MAPRE2: variants seen among roughly 807,000 people sequenced by gnomAD.
The protein encoded by MAPRE2 is microtubule associated protein RP/EB family member 2.
In MAPRE2, 13 loss-of-function variants were observed where a neutral mutation model predicts 43.2. That is an observed-to-expected ratio of 0.30 (90% CI 0.20 to 0.48). MAPRE2 has a LOEUF of 0.48. Ranked by LOEUF, MAPRE2 falls within the 20% of genes least tolerant of loss-of-function variation. The pLI is 0.99. For missense variants in MAPRE2, 161 were observed against 400.2 expected (o/e 0.40, Z 5.10); for synonymous variants, 135 against 148.8 (o/e 0.91, Z 0.68).
intron 2 of MAPRE2, among the ~76,000 whole-genome samples, chr18:35,010,180 G>T (rs1351717723): frequency 6.6e-6 from 1 of 151,940 alleles, no homozygotes; most frequent in East Asian, 1.9e-4. Flanking sequence ...TGAGGCCAGG[G>T]GTTCAAGACC....
chr18:35,043,966 A>G (rs1249811402), intron 1 of MAPRE2, among the ~76,000 whole-genome samples: 1 of 152,226 alleles, frequency 6.6e-6, no homozygotes, highest in Admixed American at 6.5e-5. Flanking sequence ...CTGGAATATT[A>G]TAGCCATTTA....
At chr18:35,031,084 T>C (rs929535536) in intron 2 of MAPRE2, among the ~76,000 whole-genome samples, 1 of 152,246 alleles carries the variant, frequency 6.6e-6, no homozygotes, top group Admixed American at 6.5e-5. Flanking sequence ...CCTTCCTTGC[T>C]TTAGTTGTCT....
chr18:35,092,846 A>C (rs1908217971), intron 2 of MAPRE2, among the ~76,000 whole-genome samples: 1 of 152,208 alleles, frequency 6.6e-6, no homozygotes, highest in Admixed American at 6.5e-5. Context: ...AAAATGTTCA[A>C]CGTCACTAAT....
intron 2 of MAPRE2, among the ~76,000 whole-genome samples, chr18:35,077,083 T>TAC (rs1907393769): frequency 6.6e-6 from 1 of 152,198 alleles, no homozygotes; most frequent in African/African-American, 2.4e-5. Context: ...ACAATATATA[T>TAC]ACTGAACAAA....
chr18:35,022,655 T>A (rs1180033035), intron 2 of MAPRE2, among the ~76,000 whole-genome samples: 2 of 152,174 alleles, frequency 1.3e-5, no homozygotes, highest in Non-Finnish European at 2.9e-5. Flanking sequence ...AGAAATTACA[T>A]AATCATAAAT....
intron 1 of MAPRE2, among the ~76,000 whole-genome samples, chr18:35,064,000 TAAAAAAAAAAAAA>T (rs575347953): frequency 4.7e-4 from 16 of 33,968 alleles, no homozygotes; most frequent in Non-Finnish European, 5.6e-4. Context: ...CCTGTCTCTT[TAAAAAAAAAAAAA>T]AAAAAAAAAA....
chr18:34,982,751 A>G (rs928037948), intron 1 of MAPRE2, among the ~76,000 whole-genome samples: 2 of 152,184 alleles, frequency 1.3e-5, no homozygotes, highest in Non-Finnish European at 2.9e-5. Flanking sequence ...ATACAATTAC[A>G]TTAAGCTGTG....
intron 2 of MAPRE2, among the ~76,000 whole-genome samples, chr18:35,008,709 G>A (rs866476846): frequency 5.2e-4 from 79 of 152,180 alleles, no homozygotes; most frequent in African/African-American, 1.9e-3. Context: ...TTTGGTTTGT[G>A]TCTATTCATC....
chr18:34,983,055 T>G (rs2097017225), intron 1 of MAPRE2, among the ~76,000 whole-genome samples: 1 of 152,108 alleles, frequency 6.6e-6, no homozygotes, highest in African/African-American at 2.4e-5. Context: ...CCTAAAATAT[T>G]TACAGCAAAA....
chr18:35,044,010 C>T lies in MAPRE2; in HGVS notation c.122+2349C>T, dbSNP rs192886820. On this transcript the variant is annotated intron_variant, in intron 1 of 6. Transcript: ENST00000300249. Reference sequence around the variant, plus strand: ...GGAAACTTGGAAGGCAATTTGAAAGCGAAGAGTAGAGATTTAACCAAATAA... The same window carrying T: ...GGAAACTTGGAAGGCAATTTGAAAGTGAAGAGTAGAGATTTAACCAAATAA... Among the ~76,000 whole-genome samples the T allele has an allele frequency of 5.0e-3, 764 of 152,192 alleles. 5 individuals are homozygous for T. The highest frequency in any genetic ancestry group is 9.0e-3 in the Non-Finnish European group (611 of 68,012).
intron 1 of MAPRE2, among the ~76,000 whole-genome samples, chr18:35,060,476 C>T (rs945841264): frequency 2.6e-5 from 4 of 152,142 alleles, no homozygotes; most frequent in African/African-American, 9.7e-5. Context: ...TATGAAGAAG[C>T]GTATGTCTAT....
rs1910750127 is a variant in MAPRE2, at chr18:35,143,290, A to G, written c.*2921A>G. On this transcript the variant is annotated 3_prime_UTR_variant, in exon 7 of 7. Transcript: ENST00000300249. ...AATGTAAACATATGTATTGTTAATT[A>G]TAAATATAGATAAGTAATGACATAA... 1 of 152,176 alleles carries G rather than the reference A, an allele frequency of 6.6e-6. No individual in the cohort carries two copies. Among genetic ancestry groups the G allele is most frequent in the Non-Finnish European group, 1.5e-5 (1 of 68,028 alleles). 9.4% of individuals were successfully genotyped at this position (152,176 alleles called of 1,614,324 possible). A position where few individuals can be genotyped will look rare whatever the true frequency, so the allele number is the denominator to read the frequency against.
intron 1 of MAPRE2, among the ~76,000 whole-genome samples, chr18:34,977,699 G>A (rs987923436): frequency 6.6e-6 from 1 of 152,246 alleles, no homozygotes; most frequent in Non-Finnish European, 1.5e-5. Context: ...CAGGAGCCGG[G>A]TGGGTGCAAA....
At chr18:34,998,772 A>ATTTTTTTTTTTTTTTTTTT (rs67933808) in intron 1 of MAPRE2, among the ~76,000 whole-genome samples, 5 of 93,732 alleles carry the variant, frequency 5.3e-5, no homozygotes, top group African/African-American at 9.9e-5. Flanking sequence ...CGAAGTTGCA[A>ATTTTTTTTTTTTTTTTTTT]TTTTTTTTTT....
intron 2 of MAPRE2, among the ~76,000 whole-genome samples, chr18:35,014,608 A>T (rs1026960954): frequency 6.6e-6 from 1 of 152,060 alleles, no homozygotes; most frequent in African/African-American, 2.4e-5. Context: ...TTTGGTTTAT[A>T]ATGAGTTTGT....
At chr18:35,014,374 C>T (rs934374198) in intron 2 of MAPRE2, among the ~76,000 whole-genome samples, 3 of 146,260 alleles carry the variant, frequency 2.1e-5, no homozygotes, top group African/African-American at 7.5e-5. Context: ...TGCTAGTCTC[C>T]CGGGCAGGGT....
At chr18:35,095,755 C>T (rs969167706) in intron 2 of MAPRE2, among the ~76,000 whole-genome samples, 5 of 152,044 alleles carry the variant, frequency 3.3e-5, no homozygotes, top group South Asian at 2.1e-4. Flanking sequence ...CTCCATCTGG[C>T]GGTCCTTCAA....
chr18:35,132,257 A>G, intron 6 of MAPRE2, 67 bp downstream of exon 6: 3 of 1,466,262 alleles, frequency 2.0e-6, no homozygotes, highest in Non-Finnish European at 1.9e-6. Flanking sequence ...ACAGTAGATC[A>G]GCACTCCTTA....
At chr18:35,037,888 G>A (rs1226428300), upstream of MAPRE2, among the ~76,000 whole-genome samples, 3 of 152,122 alleles carry the variant, frequency 2.0e-5, no homozygotes, top group South Asian at 6.2e-4. Context: ...TGTGAGTGGG[G>A]CTTATAGGAG....
Sources: allele counts gnomAD v4.1 joint callset (sites outside exome capture counted in the v4.1 genomes callset), GRCh38; gene constraint gnomAD v4.1.1; transcripts MANE v1.5; gene names NCBI Gene and HGNC (gene_info 2026-07-23, HGNC 2026-07-21).